EP300: variants seen among roughly 807,000 people sequenced by gnomAD.
EP300 encodes EP300 lysine acetyltransferase.
A neutral mutation model predicts 264.0 loss-of-function variants in EP300; 31 were observed. The ratio of observed to expected loss-of-function variants is 0.12; its 90% CI spans 0.09 to 0.16. EP300 has a LOEUF of 0.16. Among genes scored for constraint, EP300 ranks in the 10% least tolerant of loss-of-function variants. The pLI, the probability that EP300 is intolerant of heterozygous loss-of-function variation, is 1.00. For missense variants in EP300, 2,766 were observed against 3,052.9 expected (o/e 0.91, Z 2.21); for synonymous variants, 1,340 against 1,045.4 (o/e 1.28, Z -5.44).
In EP300 at chr22:41,117,381, G is replaced by T; in HGVS notation, c.289G>T (p.Val97Phe). The change falls in exon 2 of 31, where the codon GTT becomes TTT. Residue 97 changes from valine (V) to phenylalanine (F), a missense_variant. Physicochemically the swap from Val to Phe is conservative, Grantham distance 50. Transcript: ENST00000263253. Reference protein sequence around the residue: ...SGSSPNLNMGVGGPGQVMASQ... With the variant: ...SGSSPNLNMGFGGPGQVMASQ... Reference sequence around the variant, plus strand: ...TAGTTCCCCTAACCTCAATATGGGAGTTGGTGGCCCAGGTCAAGTCATGGC... The same window carrying T: ...TAGTTCCCCTAACCTCAATATGGGATTTGGTGGCCCAGGTCAAGTCATGGC... 6.2e-7 allele frequency: 1 copy of T among 1,614,188 alleles called. No homozygotes were observed. The highest frequency in any genetic ancestry group is 8.5e-7 in the Non-Finnish European group (1 of 1,180,024).
intron 12 of EP300, among the ~76,000 whole-genome samples, chr22:41,148,578 A>G (rs1473304227): frequency 6.6e-6 from 1 of 152,208 alleles, no homozygotes; most frequent in African/African-American, 2.4e-5. Flanking sequence ...TAACAGTGCT[A>G]GAGCATTTGT....
chr22:41,162,754 A>G lies in EP300; in HGVS notation c.3703A>G (p.Lys1235Glu). 1 of 1,613,118 alleles carries G rather than the reference A, an allele frequency of 6.2e-7. No homozygotes were observed. Among genetic ancestry groups the G allele is most frequent in the Non-Finnish European group, 8.5e-7 (1 of 1,179,116 alleles). ...AAATAAAGAACAATTTTCCAAGAGA[A>G]AAAATGACACACTGGATCCTGAACT... ...TINKEQFSKR[K>E]NDTLDPELFV... is the part of the protein sequence containing the mutation. Residue 1235 changes from lysine (K) to glutamate (E), a missense_variant, in exon 21 of 31, where the codon AAA becomes GAA. Transcript: ENST00000263253.
At chr22:41,144,857 A>G (rs1397933432) in intron 10 of EP300, among the ~76,000 whole-genome samples, 1 of 152,178 alleles carries the variant, frequency 6.6e-6, no homozygotes, top group South Asian at 2.1e-4. Flanking sequence ...CTTAAAAATC[A>G]GAAGATTTTG....
intron 25 of EP300, 147 bp downstream of exon 25, chr22:41,169,014 C>A: frequency 8.4e-7 from 1 of 1,191,516 alleles, no homozygotes; most frequent in Non-Finnish European, 1.2e-6. Context: ...TAAAGTGAAA[C>A]AGATTAAAAA....
rs1301481387 is a variant in EP300, at chr22:41,170,463, C to A, written c.4344C>A (p.Phe1448Leu). Residue 1448 changes from phenylalanine to leucine, a missense_variant, in exon 27 of 31, where the codon TTC becomes TTA. By Grantham distance (22) the Phe-to-Leu change is conservative. Transcript: ENST00000263253. ...CAAGTGAGGGAGATGATTATATCTTCCATTGCCATCCTCCTGACCAGAAGA... is the reference window on the plus strand; with the variant it reads ...CAAGTGAGGGAGATGATTATATCTTACATTGCCATCCTCCTGACCAGAAGA... ...CPPSEGDDYI[F>L]HCHPPDQKIP... The A allele has an allele frequency of 6.8e-6, 11 of 1,613,960 alleles. No homozygotes were observed. The highest frequency in any genetic ancestry group is 1.3e-5 in the African/African-American group (1 of 74,902).
In EP300 at chr22:41,168,530, G is replaced by A; in HGVS notation, c.3956G>A (p.Gly1319Glu). ...FLRRQNHPES[G>E]EVTVRVVHAS... ...AGGCGACAGAATCACCCTGAGTCAG[G>A]AGAGGTCACTGTTAGAGTAGTTCAT... is the stretch of plus-strand genomic sequence containing the variant. The change falls in exon 24 of 31, where the codon GGA becomes GAA. Residue 1319 changes from glycine (G) to glutamate (E), a missense_variant. Physicochemically the swap from Gly to Glu is moderately conservative, Grantham distance 98. Transcript: ENST00000263253. 6.2e-7 allele frequency: 1 copy of A among 1,614,218 alleles called. No individual in the cohort carries two copies. Among genetic ancestry groups the A allele is most frequent in the Non-Finnish European group, 8.5e-7 (1 of 1,180,040 alleles).
At chr22:41,168,942 A>C (rs1054796224) in intron 25 of EP300, 75 bp downstream of exon 25, 29 of 1,595,456 alleles carry the variant, frequency 1.8e-5, no homozygotes, top group Non-Finnish European at 2.2e-5. Flanking sequence ...AAAGCATAAC[A>C]GGCAAGAAAA....
chr22:41,128,305 A>G (rs1262498632), intron 4 of EP300, among the ~76,000 whole-genome samples: 1 of 152,030 alleles, frequency 6.6e-6, no homozygotes, highest in Non-Finnish European at 1.5e-5. Context: ...AAAATACTAA[A>G]GAAAATCAGC....
rs371222241 is a variant in EP300 at position 41,178,504 on chromosome 22, C to T, written c.6793C>T (p.Leu2265Phe). The T allele has an allele frequency of 3.7e-6, 6 of 1,613,972 alleles. No individual in the cohort carries two copies. In the African/African-American group the frequency reaches 4.0e-5, roughly 11 times the overall value. The stretch of plus-strand genomic sequence containing the variant: ...TCTACAGGCCTATCAGCAGCGACTC[C>T]TTCAGCAACAGATGGGGTCCCCTGT... Reference protein sequence around the residue: ...ASLQAYQQRLLQQQMGSPVQP... With the variant: ...ASLQAYQQRLFQQQMGSPVQP... The change falls in exon 31 of 31, where the codon CTT becomes TTT. Residue 2265 changes from leucine to phenylalanine, a missense_variant. Coordinates refer to ENST00000263253, the MANE Select transcript of EP300 (RefSeq NM_001429.4).
chr22:41,126,109 C>T (rs2058880942), intron 3 of EP300, 69 bp downstream of exon 3: 1 of 1,517,230 alleles, frequency 6.6e-7, no homozygotes, highest in Admixed American at 1.7e-5. Context: ...GTTAAACTTT[C>T]ACCCTTCTGT....
chr22:41,118,562 A>G (rs1273777848), intron 2 of EP300, among the ~76,000 whole-genome samples: 1 of 152,220 alleles, frequency 6.6e-6, no homozygotes, highest in Non-Finnish European at 1.5e-5. Flanking sequence ...AGATGGCTTC[A>G]CTTCGAAGAT....
intron 2 of EP300, 34 bp from the exon 3 acceptor site, chr22:41,125,830 G>A: frequency 1.3e-6 from 2 of 1,597,940 alleles, no homozygotes; most frequent in Non-Finnish European, 1.7e-6. Flanking sequence ...AAATTTTATT[G>A]CTTATTTTGT....
chr22:41,121,272 T>TAG (rs1438124354), intron 2 of EP300, among the ~76,000 whole-genome samples: 1 of 152,172 alleles, frequency 6.6e-6, no homozygotes, highest in Non-Finnish European at 1.5e-5. Context: ...GCTATTTGTA[T>TAG]GGTGGTGGGT....
At chr22:41,101,917 G>C (rs762191924) in intron 1 of EP300, among the ~76,000 whole-genome samples, 1 of 151,922 alleles carries the variant, frequency 6.6e-6, no homozygotes. Flanking sequence ...ACTTAAGGAA[G>C]AACTACCTTT....
intron 29 of EP300, 33 bp downstream of exon 29, chr22:41,173,817 C>A (rs201608881): frequency 1.9e-6 from 3 of 1,613,178 alleles, no homozygotes; most frequent in African/African-American, 2.7e-5. Flanking sequence ...TGGGGAAAAA[C>A]GGCAAGATTT....
chr22:41,147,096 A>G (rs1326147674), intron 11 of EP300, among the ~76,000 whole-genome samples: 1 of 151,974 alleles, frequency 6.6e-6, no homozygotes, highest in Non-Finnish European at 1.5e-5. Flanking sequence ...CCTGAGGTCA[A>G]AGTACGAGAC....
chr22:41,171,590 G>C (rs2059171126), intron 27 of EP300, among the ~76,000 whole-genome samples: 1 of 151,822 alleles, frequency 6.6e-6, no homozygotes, highest in Non-Finnish European at 1.5e-5. Flanking sequence ...GCCCACCTCA[G>C]CCTCCCAAAG....
intron 2 of EP300, among the ~76,000 whole-genome samples, chr22:41,119,371 G>C (rs1343352328): frequency 6.6e-6 from 1 of 151,344 alleles, no homozygotes; most frequent in Non-Finnish European, 1.5e-5. Context: ...TAGAATATTT[G>C]GAGTGAGAAC....
intron 2 of EP300, among the ~76,000 whole-genome samples, chr22:41,120,938 C>A (rs574397088): frequency 6.6e-5 from 10 of 152,272 alleles, no homozygotes; most frequent in Admixed American, 5.9e-4. Context: ...ATCAAGCAAT[C>A]CACCTGCCTT....
Sources: allele counts gnomAD v4.1 joint callset (sites outside exome capture counted in the v4.1 genomes callset), GRCh38; gene constraint gnomAD v4.1.1; transcripts MANE v1.5; gene names NCBI Gene and HGNC (gene_info 2026-07-23, HGNC 2026-07-21).